STIM2: variants seen among roughly 807,000 people sequenced by gnomAD.
The protein encoded by STIM2 is stromal interaction molecule 2.
In STIM2, 31 loss-of-function variants were observed where a neutral mutation model predicts 85.8. The ratio of observed to expected loss-of-function variants is 0.36; its 90% confidence interval spans 0.27 to 0.49. The LOEUF is 0.49. STIM2 is among the 20% of genes least tolerant of loss of function. The pLI, the probability that STIM2 is intolerant of heterozygous loss-of-function variation, is 0.98. For missense variants in STIM2, 841 were observed against 927.6 expected (o/e 0.91, Z 1.21); for synonymous variants, 356 against 331.1 (o/e 1.08, Z -0.82).
intron 2 of STIM2, among the ~76,000 whole-genome samples, chr4:26,927,772 A>T (rs1022706747): frequency 8.4e-5 from 12 of 142,022 alleles, no homozygotes; most frequent in Admixed American, 3.6e-4. Context: ...AAAAAATATT[A>T]TTAATATAAT....
At chr4:26,998,650 T>C (rs925803751) in intron 4 of STIM2, among the ~76,000 whole-genome samples, 2 of 152,102 alleles carry the variant, frequency 1.3e-5, no homozygotes, top group Non-Finnish European at 2.9e-5. Context: ...CGGTGGTTCA[T>C]GCCTGTAATC....
intron 1 of STIM2, among the ~76,000 whole-genome samples, chr4:26,915,597 A>G (rs1041940833): frequency 6.6e-6 from 1 of 152,062 alleles, no homozygotes; most frequent in Non-Finnish European, 1.5e-5. Context: ...TTTCTGTAGA[A>G]CCATACTGAG....
At chr4:26,934,913 C>CAAAAAAAAAAAAAAAAAAAAAA (rs1160656482) in intron 2 of STIM2, among the ~76,000 whole-genome samples, 1 of 57,606 alleles carries the variant, frequency 1.7e-5, no homozygotes. Flanking sequence ...AACTCCATCT[C>CAAAAAAAAAAAAAAAAAAAAAA]AAAAAAAAAA....
chr4:26,933,733 CAAA>C (rs771503772), intron 2 of STIM2, among the ~76,000 whole-genome samples: 1 of 47,762 alleles, frequency 2.1e-5, no homozygotes, highest in Non-Finnish European at 4.5e-5. Context: ...GACCTGATCT[CAAA>C]AAAAAAAAAA....
intron 1 of STIM2, among the ~76,000 whole-genome samples, chr4:26,862,891 T>A (rs998990137): frequency 1.3e-5 from 2 of 152,184 alleles, no homozygotes; most frequent in Non-Finnish European, 2.9e-5. Flanking sequence ...GAAGATTTAA[T>A]GCCTCATGCA....
At chr4:27,004,438 C>T (rs149572034) in intron 7 of STIM2, among the ~76,000 whole-genome samples, 7 of 152,044 alleles carry the variant, frequency 4.6e-5, no homozygotes, top group African/African-American at 1.7e-4. Flanking sequence ...GTAAGAACTC[C>T]CTGCCTTTTT....
chr4:26,931,002 T>C (rs1404556944), intron 2 of STIM2, among the ~76,000 whole-genome samples: 1 of 152,084 alleles, frequency 6.6e-6, no homozygotes, highest in Non-Finnish European at 1.5e-5. Context: ...GGTTGTGTCA[T>C]CTCAAGGCCT....
chr4:26,946,772 T>A (rs1332588303), intron 2 of STIM2, among the ~76,000 whole-genome samples: 1 of 152,246 alleles, frequency 6.6e-6, no homozygotes, highest in Non-Finnish European at 1.5e-5. Flanking sequence ...ATCTGGTTTA[T>A]TACATCAGTT....
rs371496365 is a variant in STIM2, at chr4:27,002,212, A to G, written c.626-5A>G. ...TAATTTAATCATCTGTAATTCTTTT[A>G]ATAGGCCCACCTCATAACTGGATGA... On this transcript the variant is annotated splice_polypyrimidine_tract_variant and splice_region_variant and intron_variant, in intron 5 of 11. Coordinates refer to ENST00000467087, the MANE Select transcript of STIM2 (RefSeq NM_020860.4). 14 of 1,583,930 alleles carry G rather than the reference A, an allele frequency of 8.8e-6. No homozygotes were observed. Among genetic ancestry groups the G allele is most frequent in the Non-Finnish European group, 1.2e-5 (14 of 1,170,732 alleles).
rs74741843 is a variant in STIM2, at chr4:27,011,338, C to T, written c.1489+2336C>T. On this transcript the variant is annotated intron_variant, in intron 10 of 11. Coordinates refer to ENST00000467087, the MANE Select transcript of STIM2 (RefSeq NM_020860.4). ...TAAAGTCACTGCTTAATGAGTTAAC[C>T]ATAACTTATATGTTTATTTATTGTA... Among the ~76,000 whole-genome samples the T allele has an allele frequency of 1.4e-3, 207 of 152,246 alleles. 5 individuals are homozygous for T. In the East Asian group the frequency reaches 0.039, roughly 29 times the overall value.
chr4:27,007,727 T>A (rs1237060342), intron 8 of STIM2, 27 bp downstream of exon 8: 1 of 1,520,380 alleles, frequency 6.6e-7, no homozygotes, highest in Non-Finnish European at 8.8e-7. Context: ...CAAAATTTAC[T>A]AAATTTGTTT....
At chr4:26,986,861 C>A (rs1727603031) in intron 3 of STIM2, among the ~76,000 whole-genome samples, 1 of 152,234 alleles carries the variant, frequency 6.6e-6, no homozygotes, top group African/African-American at 2.4e-5. Context: ...GTCAGTTATA[C>A]ATTCAGCTAA....
At chr4:26,943,616 T>C (rs1329061350) in intron 2 of STIM2, among the ~76,000 whole-genome samples, 1 of 152,200 alleles carries the variant, frequency 6.6e-6, no homozygotes, top group African/African-American at 2.4e-5. Flanking sequence ...GCTTTAATTT[T>C]GTTTAGTCAG....
In STIM2 at chr4:26,971,769, C is replaced by A. The variant is rs1399695336; in HGVS notation, c.397+14043C>A. On this transcript the variant is annotated intron_variant, in intron 3 of 11. Transcript: ENST00000467087. ...TATGAACAGTAGTTTTTTTCCAATT[C>A]TGTGAAGAAAGTCATTGGTAGCTTG... Among the ~76,000 whole-genome samples, 4 of 152,026 alleles carry A rather than the reference C, an allele frequency of 2.6e-5. No homozygotes were observed. The South Asian group carries it at 6.2e-4, about 24-fold the overall frequency.
intron 3 of STIM2, 39 bp downstream of exon 3, chr4:26,957,765 C>T: frequency 1.1e-5 from 14 of 1,249,084 alleles, no homozygotes; most frequent in Non-Finnish European, 1.6e-5. Context: ...TCCCCTTCTG[C>T]ACATCTAGCC....
intron 3 of STIM2, among the ~76,000 whole-genome samples, chr4:26,966,528 C>T (rs565228929): frequency 1.7e-3 from 256 of 152,030 alleles, no homozygotes; most frequent in African/African-American, 5.9e-3. Context: ...AAGTCTTTTT[C>T]CCCCCATTTA....
chr4:26,929,259 A>G (rs1043167215), intron 2 of STIM2, among the ~76,000 whole-genome samples: 3 of 152,282 alleles, frequency 2.0e-5, no homozygotes, highest in Non-Finnish European at 2.9e-5. Context: ...TTTTATTTCT[A>G]TTAGCACTGA....
At chr4:26,956,907 T>G (rs965039158) in intron 2 of STIM2, among the ~76,000 whole-genome samples, 3 of 152,106 alleles carry the variant, frequency 2.0e-5, no homozygotes, top group African/African-American at 7.2e-5. Flanking sequence ...GGGCCTTGGT[T>G]TCTCATCTAT....
At chr4:26,961,794 T>C (rs1259254471) in intron 3 of STIM2, among the ~76,000 whole-genome samples, 1 of 152,080 alleles carries the variant, frequency 6.6e-6, no homozygotes, top group East Asian at 1.9e-4. Context: ...AGACAAGGTT[T>C]TGCTCTGTGA....
Sources: allele counts gnomAD v4.1 joint callset (sites outside exome capture counted in the v4.1 genomes callset), GRCh38; gene constraint gnomAD v4.1.1; transcripts MANE v1.5; gene names NCBI Gene and HGNC (gene_info 2026-07-23, HGNC 2026-07-21).